DLG2: variants seen among roughly 807,000 people sequenced by gnomAD.
DLG2 encodes the protein disks large homolog 2.
DLG2 carries 45 observed loss-of-function variants against 132.5 expected under a neutral mutation model. The ratio of observed to expected loss-of-function variants is 0.34; its 90% CI spans 0.27 to 0.44. The LOEUF (loss-of-function observed/expected upper bound fraction) is 0.44. Ranked by LOEUF, DLG2 falls within the 20% of genes least tolerant of loss-of-function variation. The probability of loss-of-function intolerance (pLI) is 1.00; values close to 1 mark genes in which losing one functional copy is unlikely to be tolerated. For synonymous variants in DLG2, 424 were observed against 419.6 expected (o/e 1.01, Z -0.13); for missense variants, 1,045 against 1,196.9 (o/e 0.87, Z 1.87).
intron 18 of DLG2, among the ~76,000 whole-genome samples, chr11:83,640,289 A>G (rs1402832616): frequency 6.6e-6 from 1 of 152,184 alleles, no homozygotes; most frequent in Non-Finnish European, 1.5e-5. Context: ...ATAATAAAGG[A>G]AATTTGTGCT....
chr11:84,394,811 G>A lies in DLG2; in HGVS notation c.519+139759C>T, dbSNP rs551779483. Among the ~76,000 whole-genome samples the A allele has an allele frequency of 3.7e-4, 57 of 152,122 alleles. 1 individual carries two copies. In the South Asian group the frequency reaches 0.011, roughly 30 times the overall value. On this transcript the variant is annotated intron_variant, in intron 7 of 27. Transcript: ENST00000376104. ...TAATTTTTGTATTTTCAGTAGAGAT[G>A]GGGTTTCACCCAGTTGGTTAGGCTG...
chr11:85,317,767 G>A (rs562574916), intron 3 of DLG2, among the ~76,000 whole-genome samples: 1 of 151,962 alleles, frequency 6.6e-6, no homozygotes, highest in East Asian at 1.9e-4. Flanking sequence ...GAGGATGAAG[G>A]GTAGGAGGAG....
intron 3 of DLG2, among the ~76,000 whole-genome samples, chr11:85,455,825 T>C (rs1270370525): frequency 2.0e-5 from 3 of 152,206 alleles, no homozygotes; most frequent in African/African-American, 7.2e-5. Flanking sequence ...TGAGTCTTAT[T>C]GATTTGCATA....
intron 8 of DLG2, among the ~76,000 whole-genome samples, chr11:84,205,692 C>A (rs1462201555): frequency 2.0e-5 from 3 of 151,890 alleles, no homozygotes; most frequent in Non-Finnish European, 4.4e-5. Flanking sequence ...TTGGACTCAG[C>A]TAAAGTGGTG....
chr11:85,397,818 C>A (rs931462748), intron 3 of DLG2, among the ~76,000 whole-genome samples: 1 of 152,062 alleles, frequency 6.6e-6, no homozygotes, highest in Admixed American at 6.6e-5. Context: ...GACTCCCAAA[C>A]AATAATAATG....
At chr11:83,603,539 G>A (rs1688858194) in intron 19 of DLG2, among the ~76,000 whole-genome samples, 1 of 152,104 alleles carries the variant, frequency 6.6e-6, no homozygotes, top group Non-Finnish European at 1.5e-5. Context: ...GAGTCGCTGA[G>A]TAATATTTTT....
chr11:84,805,639 A>G (rs1463771198), intron 6 of DLG2, among the ~76,000 whole-genome samples: 1 of 152,152 alleles, frequency 6.6e-6, no homozygotes, highest in Non-Finnish European at 1.5e-5. Flanking sequence ...CTCCTGCTCC[A>G]GCAATATGAA....
intron 8 of DLG2, among the ~76,000 whole-genome samples, chr11:84,194,122 C>A (rs1217970122): frequency 6.6e-6 from 1 of 152,204 alleles, no homozygotes; most frequent in African/African-American, 2.4e-5. Flanking sequence ...GGGAATCAAT[C>A]TTTCGATGAT....
chr11:85,129,723 T>A (rs1417851540), intron 5 of DLG2, among the ~76,000 whole-genome samples: 1 of 152,168 alleles, frequency 6.6e-6, no homozygotes, highest in Non-Finnish European at 1.5e-5. Context: ...CCCAAAAGAT[T>A]ATAAATCATT....
chr11:85,128,389 T>C (rs1005905666), intron 5 of DLG2, among the ~76,000 whole-genome samples: 3 of 152,216 alleles, frequency 2.0e-5, no homozygotes, highest in African/African-American at 7.2e-5. Context: ...ACCTCAGAGA[T>C]GCAATAAAAT....
rs1352793196 is a variant in DLG2 at position 83,795,461 on chromosome 11, A to ATATCTG, written c.1723-8670_1723-8669insCAGATA. On this transcript the variant is annotated intron_variant, in intron 17 of 27. Coordinates refer to ENST00000376104, the MANE Select transcript of DLG2 (RefSeq NM_001142699.3). ...TATCTATATATCTATATCTATATCT[A>ATATCTG]TCTATTTGGGTAAGTTCCTTAATCA... Among the ~76,000 whole-genome samples, 21 of 151,630 alleles carry ATATCTG rather than the reference A, an allele frequency of 1.4e-4. No individual in the cohort carries two copies. In the South Asian group the frequency reaches 3.8e-3, roughly 27 times the overall value.
chr11:85,001,782 A>G (rs935341903), intron 6 of DLG2, among the ~76,000 whole-genome samples: 7 of 152,218 alleles, frequency 4.6e-5, no homozygotes, highest in Admixed American at 3.9e-4. Flanking sequence ...CGATGTGTCA[A>G]TATAGGTTCA....
chr11:84,589,353 G>C (rs891702141), intron 6 of DLG2, among the ~76,000 whole-genome samples: 6 of 152,098 alleles, frequency 3.9e-5, no homozygotes, highest in Non-Finnish European at 7.4e-5. Flanking sequence ...AAGCAAGAAG[G>C]CATGAGACCA....
chr11:83,586,951 T>G (rs1248987364), intron 19 of DLG2, among the ~76,000 whole-genome samples: 1 of 152,220 alleles, frequency 6.6e-6, no homozygotes, highest in African/African-American at 2.4e-5. Flanking sequence ...GAAGCTATTT[T>G]CCTTGACACT....
intron 6 of DLG2, among the ~76,000 whole-genome samples, chr11:85,093,101 C>T (rs1023601194): frequency 6.6e-6 from 1 of 152,116 alleles, no homozygotes; most frequent in Admixed American, 6.5e-5. Flanking sequence ...TCACCCCTCG[C>T]CCCCTCATTG....
At chr11:83,510,728 C>T in intron 21 of DLG2, among the ~76,000 whole-genome samples, 1 of 150,914 alleles carries the variant, frequency 6.6e-6, no homozygotes, top group East Asian at 2.0e-4. Context: ...ATGCTAAATG[C>T]AAGTAGACTG....
chr11:84,769,913 A>G (rs933670376), intron 6 of DLG2, among the ~76,000 whole-genome samples: 2 of 152,230 alleles, frequency 1.3e-5, no homozygotes, highest in African/African-American at 4.8e-5. Flanking sequence ...TTGCCAGACA[A>G]GCAAGTGCTA....
intron 6 of DLG2, among the ~76,000 whole-genome samples, chr11:84,587,591 T>G (rs561375722): frequency 3.9e-5 from 6 of 152,174 alleles, no homozygotes; most frequent in Non-Finnish European, 8.8e-5. Flanking sequence ...GTTTTTCTGG[T>G]TTTTAAAAAG....
intron 7 of DLG2, among the ~76,000 whole-genome samples, chr11:84,384,001 A>G (rs1348885420): frequency 6.6e-6 from 1 of 150,552 alleles, no homozygotes; most frequent in Non-Finnish European, 1.5e-5. Flanking sequence ...AAACTTTTAT[A>G]CTCAAATAAA....
Sources: allele counts gnomAD v4.1 joint callset (sites outside exome capture counted in the v4.1 genomes callset), GRCh38; gene constraint gnomAD v4.1.1; transcripts MANE v1.5; gene names NCBI Gene and HGNC (gene_info 2026-07-23, HGNC 2026-07-21).